Variants in DNAH8 observed in about 807,000 individuals in gnomAD.
DNAH8 encodes the protein dynein axonemal heavy chain 8, also known as axonemal beta dynein heavy chain 8.
A neutral mutation model predicts 562.1 loss-of-function variants in DNAH8; 382 were observed. The ratio of observed to expected loss-of-function variants is 0.68; its 90% confidence interval spans 0.63 to 0.74. DNAH8 has a LOEUF of 0.74. Among genes scored for constraint, DNAH8 ranks in the 30% least tolerant of loss-of-function variants. DNAH8 has a pLI of 0.00. For missense variants in DNAH8, 5,203 were observed against 5,620.4 expected (o/e 0.93, Z 2.37); for synonymous variants, 1,881 against 1,919.4 (o/e 0.98, Z 0.52).
intron 62 of DNAH8, among the ~76,000 whole-genome samples, chr6:38,903,366 G>A (rs1446863146): frequency 1.3e-5 from 2 of 151,986 alleles, no homozygotes; most frequent in African/African-American, 2.4e-5. Flanking sequence ...GAGAGAGTGA[G>A]GGTGCAGGTC....
intron 8 of DNAH8, among the ~76,000 whole-genome samples, chr6:38,748,395 G>C (rs752366703): frequency 2.0e-5 from 3 of 152,150 alleles, no homozygotes; most frequent in African/African-American, 7.2e-5. Context: ...TGGTAAGAGT[G>C]GGGGTGCCAT....
chr6:38,903,486 A>C (rs1780214768), intron 62 of DNAH8, among the ~76,000 whole-genome samples: 1 of 151,984 alleles, frequency 6.6e-6, no homozygotes, highest in Non-Finnish European at 1.5e-5. Flanking sequence ...CATGACCCAG[A>C]CACCTCCCAC....
intron 21 of DNAH8, among the ~76,000 whole-genome samples, chr6:38,799,764 T>C (rs1330012557): frequency 6.6e-6 from 1 of 152,108 alleles, no homozygotes; most frequent in Non-Finnish European, 1.5e-5. Context: ...CTCCATTTCC[T>C]CTCAACCCTC....
chr6:38,774,415 A>G (rs1391673719), intron 12 of DNAH8, among the ~76,000 whole-genome samples: 1 of 151,950 alleles, frequency 6.6e-6, no homozygotes, highest in African/African-American at 2.4e-5. Flanking sequence ...GAGATTGAAC[A>G]TTGATAGAGA....
intron 83 of DNAH8, 66 bp from the exon 84 acceptor site, chr6:38,973,595 T>A: frequency 7.4e-7 from 1 of 1,354,444 alleles, no homozygotes; most frequent in Non-Finnish European, 1.0e-6. Flanking sequence ...AAGTGCACAT[T>A]TTGTTTTATT....
In DNAH8 at chr6:38,872,585, G is replaced by C. The variant is rs749670952; in HGVS notation, c.7040G>C (p.Ser2347Thr). Residue 2347 changes from serine (S) to threonine (T), a missense_variant, in exon 50 of 93, where the codon AGT becomes ACT. Ser to Thr is a moderately conservative substitution (Grantham distance 58). Transcript: ENST00000327475. ...CATGGCTTGATGACTCTTGGGCCCA[G>C]TGGTTCTGGAAAGACAACCGTTATC... The part of the protein sequence containing the change: ...VRHGLMTLGP[S>T]GSGKTTVITI... 6.2e-7 allele frequency: 1 copy of C among 1,614,068 alleles called. No individual in the cohort carries two copies. The highest frequency in any genetic ancestry group is 2.2e-5 in the East Asian group (1 of 44,856).
chr6:38,973,172 A>C (rs1350384495), intron 83 of DNAH8, among the ~76,000 whole-genome samples: 1 of 152,232 alleles, frequency 6.6e-6, no homozygotes, highest in Non-Finnish European at 1.5e-5. Context: ...AGTGATGATA[A>C]AGAATAAAGC....
At chr6:38,836,452 A>T (rs1774304101) in intron 32 of DNAH8, among the ~76,000 whole-genome samples, 1 of 151,842 alleles carries the variant, frequency 6.6e-6, no homozygotes, top group African/African-American at 2.4e-5. Context: ...ATCTCAAAAA[A>T]AAAAACAAAA....
chr6:38,750,750 G>T (rs1177952770), intron 9 of DNAH8, among the ~76,000 whole-genome samples, 161 bp downstream of exon 9: 2 of 151,946 alleles, frequency 1.3e-5, no homozygotes, highest in Non-Finnish European at 2.9e-5. Flanking sequence ...GAGTGACAGA[G>T]CAAGAAGACC....
chr6:38,730,468 A>G (rs570451504), intron 4 of DNAH8, among the ~76,000 whole-genome samples: 1 of 152,320 alleles, frequency 6.6e-6, no homozygotes, highest in South Asian at 2.1e-4. Context: ...TTTAATAACT[A>G]GATATGTGGG....
chr6:39,012,287 A>C lies in DNAH8; in HGVS notation c.13444A>C (p.Met4482Leu), dbSNP rs1241609542. ...ATTTCTTAGACAAGAAATTGACAGA[A>C]TGCAAAGAGTCATTTCAATACTCCG... ...NIFLRQEIDR[M>L]QRVISILRSS... The change falls in exon 90 of 93, where the codon ATG (methionine) becomes CTG (leucine). Residue 4482 changes from methionine (M) to leucine (L), a missense_variant. Met to Leu is a conservative substitution (Grantham distance 15). Transcript: ENST00000327475. The C allele has an allele frequency of 6.2e-7, 1 of 1,612,836 alleles. No individual in the cohort carries two copies. The highest frequency in any genetic ancestry group is 8.5e-7 in the Non-Finnish European group (1 of 1,179,016).
chr6:38,896,082 G>T lies in DNAH8; in HGVS notation c.8797G>T (p.Ala2933Ser). 1 of 1,614,086 alleles carries T rather than the reference G, an allele frequency of 6.2e-7. No homozygotes were observed. The highest frequency in any genetic ancestry group is 8.5e-7 in the Non-Finnish European group (1 of 1,179,984). Residue 2933 changes from alanine (A) to serine (S), a missense_variant, in exon 60 of 93, where the codon GCA becomes TCA. Around this residue, in one of 6 missense-constraint regions of DNAH8, gnomAD observed 977 missense variants for 1,061.8 expected, o/e 0.92. Transcript: ENST00000327475. ...EQWFNAHLTR[A>S]VEENIGSDAA... is the part of the protein sequence containing the mutation. ...GTGGTTTAATGCACATCTTACTCGT[G>T]CAGTTGAAGAAAATATTGGCTCTGA...
chr6:38,950,585 G>C (rs897888850), intron 81 of DNAH8, among the ~76,000 whole-genome samples: 1 of 151,630 alleles, frequency 6.6e-6, no homozygotes, highest in African/African-American at 2.4e-5. Context: ...GACTACAGGC[G>C]CCTGCCACCA....
chr6:39,020,181 T>G (rs1277645526), intron 91 of DNAH8, among the ~76,000 whole-genome samples: 1 of 152,168 alleles, frequency 6.6e-6, no homozygotes, highest in East Asian at 1.9e-4. Flanking sequence ...ATACCGAAGT[T>G]TTACTGGAGC....
rs576111533 is a variant in DNAH8, at chr6:38,976,735, C to G, written c.12834+2206C>G. Among the ~76,000 whole-genome samples the G allele has an allele frequency of 1.2e-4, 19 of 152,328 alleles. No individual in the cohort carries two copies. In the South Asian group the frequency reaches 3.9e-3, roughly 32 times the overall value. On this transcript the variant is annotated intron_variant, in intron 85 of 92. Coordinates refer to ENST00000327475, the MANE Select transcript of DNAH8 (RefSeq NM_001206927.2). ...TGTTTGTGACTTACGTTTCTTTTCT[C>G]TCTCTAGTGTTGAGTATAAGAGCCA...
chr6:38,747,674 C>T (rs747080408), intron 8 of DNAH8, among the ~76,000 whole-genome samples: 55 of 152,280 alleles, frequency 3.6e-4, no homozygotes, highest in Non-Finnish European at 5.9e-4. Flanking sequence ...CGTGAGCCAC[C>T]GCGCTCAGCC....
intron 89 of DNAH8, among the ~76,000 whole-genome samples, chr6:39,010,019 A>G (rs1235729158): frequency 6.6e-6 from 1 of 152,196 alleles, no homozygotes; most frequent in Non-Finnish European, 1.5e-5. Context: ...AACTTACTCT[A>G]AAAGATTACA....
Position 38,913,832 on chromosome 6 carries a change from T to G in DNAH8, c.9860-17T>G, listed in dbSNP as rs1445322368. On this transcript the variant is annotated splice_polypyrimidine_tract_variant and intron_variant, in intron 66 of 92. Transcript: ENST00000327475. The stretch of plus-strand genomic sequence containing the variant: ...TACCTGTACTCAGTAAAGGTATATA[T>G]GTGTGTATTTGTAAAGGTCTTGATA... 6.4e-7 allele frequency: 1 copy of G among 1,570,222 alleles called. No individual in the cohort carries two copies. Among genetic ancestry groups the G allele is most frequent in the South Asian group, 1.1e-5 (1 of 89,960 alleles).
chr6:38,883,434 C>A lies in DNAH8; in HGVS notation c.8114C>A (p.Ala2705Asp). Residue 2705 changes from alanine (A) to aspartate (D), a missense_variant, in exon 55 of 93, where the codon GCC becomes GAC. By Grantham distance (126) the Ala-to-Asp change is moderately radical. Around this residue, in one of 6 missense-constraint regions of DNAH8, gnomAD observed 977 missense variants for 1,061.8 expected, o/e 0.92. Transcript: ENST00000327475. ...TCCAAAAGTCTAAACTTTTCATCTG[C>A]CACAGAACCAATGATGTTTCAGGTG... ...QLSKSLNFSS[A>D]TEPMMFQRTI... 6.2e-7 allele frequency: 1 copy of A among 1,610,604 alleles called. No homozygotes were observed. The highest frequency in any genetic ancestry group is 8.5e-7 in the Non-Finnish European group (1 of 1,178,622).
Sources: gnomAD v4.1 joint callset for allele counts (sites outside exome capture counted in the v4.1 genomes callset) on GRCh38, gnomAD v4.1.1 for gene constraint, gnomAD v4.1.1 regional missense constraint, MANE v1.5 for transcripts, NCBI Gene and HGNC (gene_info 2026-07-23, HGNC 2026-07-21) for gene names.